The following ATRNL1 variants were observed in gnomAD, a reference collection of about 807,000 sequenced individuals.
ATRNL1 encodes attractin like 1.
ATRNL1 carries 95 observed loss-of-function variants against 182.7 expected under a neutral mutation model. The ratio of observed to expected loss-of-function variants is 0.52; its 90% CI spans 0.44 to 0.62. ATRNL1 has a LOEUF of 0.62. Ranked by LOEUF, ATRNL1 falls within the 20% of genes least tolerant of loss-of-function variation. The pLI, the probability that ATRNL1 is intolerant of heterozygous loss-of-function variation, is 0.00. For missense variants in ATRNL1, 1,471 were observed against 1,679.5 expected (o/e 0.88, Z 2.17); for synonymous variants, 576 against 568.3 (o/e 1.01, Z -0.19).
At chr10:115,791,898 T>C (rs1949540262) in intron 27 of ATRNL1, among the ~76,000 whole-genome samples, 1 of 152,174 alleles carries the variant, frequency 6.6e-6, no homozygotes, top group Admixed American at 6.5e-5. Context: ...CTGAAACAAA[T>C]TTAAATAGTT....
intron 28 of ATRNL1, among the ~76,000 whole-genome samples, chr10:115,856,819 C>T (rs1182804662): frequency 1.3e-5 from 2 of 152,134 alleles, no homozygotes; most frequent in Non-Finnish European, 2.9e-5. Context: ...GCTGTGAGTG[C>T]TGTGAGGCCC....
At chr10:115,673,467 C>G (rs534799456) in intron 26 of ATRNL1, among the ~76,000 whole-genome samples, 1 of 151,998 alleles carries the variant, frequency 6.6e-6, no homozygotes, top group African/African-American at 2.4e-5. Flanking sequence ...ATTTGAGTCT[C>G]AGTGACAGCA....
At chr10:115,840,816 C>T (rs954046582) in intron 27 of ATRNL1, among the ~76,000 whole-genome samples, 3 of 151,514 alleles carry the variant, frequency 2.0e-5, no homozygotes, top group Admixed American at 6.6e-5. Context: ...TAGATGTTGG[C>T]AAGAAGTCTA....
intron 21 of ATRNL1, among the ~76,000 whole-genome samples, chr10:115,441,746 C>T (rs1195497647): frequency 6.6e-6 from 1 of 151,954 alleles, no homozygotes; most frequent in Non-Finnish European, 1.5e-5. Flanking sequence ...TCATTCTTTA[C>T]TCAGACTTCC....
chr10:115,745,131 CT>C (rs782288162), intron 27 of ATRNL1, among the ~76,000 whole-genome samples: 5,241 of 146,448 alleles, frequency 0.036, 125 homozygotes, highest in Middle Eastern at 0.053. Context: ...GAAAATGGAA[CT>C]TTTTTTTTTT....
intron 27 of ATRNL1, among the ~76,000 whole-genome samples, chr10:115,771,678 G>A (rs1017637737): frequency 1.3e-5 from 2 of 152,062 alleles, no homozygotes; most frequent in African/African-American, 2.4e-5. Flanking sequence ...CCTTGAGAAC[G>A]CTTTCAGGAG....
At chr10:115,442,303 C>CTCTCTCTCTCTCTCTCTCTCTT (rs782157017) in intron 21 of ATRNL1, among the ~76,000 whole-genome samples, 1 of 123,766 alleles carries the variant, frequency 8.1e-6, no homozygotes, top group Non-Finnish European at 1.7e-5. Context: ...CTCTCTCTCT[C>CTCTCTCTCTCTCTCTCTCTCTT]TGTGTGTATG....
Position 115,447,869 on chromosome 10 carries a change from A to G in ATRNL1, c.3323-14072A>G, listed in dbSNP as rs576030198. The stretch of plus-strand genomic sequence containing the variant: ...TAATTTATGCTCCATCATGGTATAC[A>G]ATAATTTTCTTCCACTTCCTCACCA... On this transcript the variant is annotated intron_variant, in intron 21 of 28. Coordinates refer to ENST00000355044, the MANE Select transcript of ATRNL1 (RefSeq NM_207303.4). Among the ~76,000 whole-genome samples, 8 of 152,170 alleles carry G rather than the reference A, an allele frequency of 5.3e-5. No individual in the cohort carries two copies. In the South Asian group the frequency reaches 1.7e-3, roughly 32 times the overall value.
chr10:115,396,136 T>C (rs1296973701), intron 20 of ATRNL1, among the ~76,000 whole-genome samples: 1 of 151,964 alleles, frequency 6.6e-6, no homozygotes, highest in East Asian at 1.9e-4. Flanking sequence ...CTTAGCCACC[T>C]AAGTATTACA....
At position 115,386,010 on chromosome 10, in the gene ATRNL1, G is replaced by A. The variant is rs116156907; in HGVS notation, c.3176-8649G>A. 6.2e-3 allele frequency among the ~76,000 whole-genome samples: 940 copies of A among 151,760 alleles called. 8 individuals are homozygous for A. The highest frequency in any genetic ancestry group is 0.02 in the African/African-American group (842 of 41,410). On this transcript the variant is annotated intron_variant, in intron 19 of 28. Transcript: ENST00000355044. ...TATGTCTTTTAAGTCTTCTGTCTTC[G>A]TCTTTTTTAAATGCTTTTTTTTTCT... is the stretch of plus-strand genomic sequence containing the variant.
chr10:115,852,669 C>G (rs1951083620), intron 28 of ATRNL1, among the ~76,000 whole-genome samples: 1 of 152,200 alleles, frequency 6.6e-6, no homozygotes, highest in Admixed American at 6.5e-5. Context: ...GACTCTCCCT[C>G]ATCACTGTGT....
chr10:115,653,097 A>G (rs7089047), intron 26 of ATRNL1, among the ~76,000 whole-genome samples: 1,779 of 152,292 alleles, frequency 0.012, 36 homozygotes, highest in African/African-American at 0.04. Context: ...GAAAAGACAC[A>G]TTTGGCTGGT....
At chr10:115,781,476 A>G (rs1391999700) in intron 27 of ATRNL1, among the ~76,000 whole-genome samples, 1 of 152,252 alleles carries the variant, frequency 6.6e-6, no homozygotes, top group Admixed American at 6.5e-5. Flanking sequence ...GTATAGTCAC[A>G]TAATGGAATA....
At chr10:115,333,457 C>G (rs1855329145) in intron 18 of ATRNL1, among the ~76,000 whole-genome samples, 2 of 150,344 alleles carry the variant, frequency 1.3e-5, no homozygotes, top group South Asian at 4.2e-4. Flanking sequence ...AAAGAAGATA[C>G]ATATTTATGC....
intron 13 of ATRNL1, among the ~76,000 whole-genome samples, chr10:115,277,536 C>T (rs1426883579): frequency 6.6e-6 from 1 of 151,980 alleles, no homozygotes; most frequent in African/African-American, 2.4e-5. Flanking sequence ...AAATATTTAG[C>T]TCCATTACAT....
intron 23 of ATRNL1, 85 bp downstream of exon 23, chr10:115,467,337 T>C (rs1218852647): frequency 1.1e-6 from 1 of 944,990 alleles, no homozygotes. Context: ...AATTAAATGT[T>C]TGAAATTTTA....
At chr10:115,535,777 T>C (rs1851948594) in intron 25 of ATRNL1, among the ~76,000 whole-genome samples, 1 of 152,150 alleles carries the variant, frequency 6.6e-6, no homozygotes, top group Non-Finnish European at 1.5e-5. Context: ...GATGTACAGA[T>C]GGGTTTTCGG....
chr10:115,440,864 T>A lies in ATRNL1; in HGVS notation c.3322+14562T>A, dbSNP rs558579611. Among the ~76,000 whole-genome samples, 49 of 152,084 alleles carry A rather than the reference T, an allele frequency of 3.2e-4. No homozygotes were observed. In the South Asian group the frequency reaches 5.4e-3, roughly 17 times the overall value. The stretch of plus-strand genomic sequence containing the variant: ...AACTACCTGGTGTTTTTCCTGCATT[T>A]CCTTTATAATACTCTCCAAATAAGT... On this transcript the variant is annotated intron_variant, in intron 21 of 28. Coordinates refer to ENST00000355044, the MANE Select transcript of ATRNL1 (RefSeq NM_207303.4).
At chr10:115,183,629 T>C (rs1847829691) in intron 8 of ATRNL1, among the ~76,000 whole-genome samples, 1 of 151,582 alleles carries the variant, frequency 6.6e-6, no homozygotes, top group South Asian at 2.1e-4. Flanking sequence ...TTTTTCAAAT[T>C]GAACCCAGTA....
Sources: allele counts gnomAD v4.1 joint callset (sites outside exome capture counted in the v4.1 genomes callset), GRCh38; gene constraint gnomAD v4.1.1; transcripts MANE v1.5; gene names NCBI Gene and HGNC (gene_info 2026-07-23, HGNC 2026-07-21).